KLF17: variants seen among roughly 807,000 people sequenced by gnomAD.
The protein encoded by KLF17 is KLF transcription factor 17.
A neutral mutation model predicts 34.2 loss-of-function variants in KLF17; 31 were observed. That is an observed-to-expected ratio of 0.91 (90% CI 0.68 to 1.22). The LOEUF (loss-of-function observed/expected upper bound fraction) is 1.22, where lower values mean the gene tolerates loss of function less well. Ranked by LOEUF, KLF17 falls within the 50% of genes most tolerant of loss-of-function variation. The probability of loss-of-function intolerance (pLI) is 0.00; values close to 1 mark genes in which losing one functional copy is unlikely to be tolerated. For missense variants in KLF17, 478 were observed against 505.2 expected, an observed-to-expected ratio of 0.95 and a Z score of 0.52; for synonymous variants, 179 against 186.7, an observed-to-expected ratio of 0.96 and a Z score of 0.34.
At chr1:44,113,377 C>T in the KLF17 span, among the ~76,000 whole-genome samples, 11 of 152,200 alleles carry the variant, frequency 7.2e-5, no homozygotes, top group African/African-American at 2.7e-4. Context: ...AAAGAAGATT[C>T]TTTTAAGCAA....
chr1:44,134,797 TGA>T lies in KLF17; in HGVS notation c.*1564_*1565del, dbSNP rs1490424764. The T allele has an allele frequency of 1.3e-5, 2 of 152,098 alleles. No individual in the cohort carries two copies. Among genetic ancestry groups the T allele is most frequent in the African/African-American group, 4.8e-5 (2 of 41,388 alleles). 9.4% of individuals were successfully genotyped at this position (152,098 alleles called of 1,614,324 possible). On this transcript the variant is annotated 3_prime_UTR_variant, in exon 4 of 4. Transcript: ENST00000372299. Reference sequence around the variant, plus strand: ...AGTCAAGGTGGCTTTGGCTAGGGTGTGAGAGTGGAGGTAGGGAGAAGTAGGAA... The same window carrying T: ...AGTCAAGGTGGCTTTGGCTAGGGTGTGAGTGGAGGTAGGGAGAAGTAGGAA...
chr1:44,066,340 T>TCCC, the KLF17 span, among the ~76,000 whole-genome samples: 1 of 127,422 alleles, frequency 7.8e-6, no homozygotes, highest in African/African-American at 2.9e-5. Context: ...ACAAAAACCC[T>TCCC]CCCCCCAAAA....
chr1:44,111,155 A>G, the KLF17 span, among the ~76,000 whole-genome samples: 1 of 151,034 alleles, frequency 6.6e-6, no homozygotes, highest in Admixed American at 6.6e-5. Flanking sequence ...CCAGCTATAT[A>G]TATATTCTTT....
the KLF17 span, among the ~76,000 whole-genome samples, chr1:44,087,607 C>G: frequency 2.0e-5 from 3 of 150,140 alleles, no homozygotes; most frequent in Non-Finnish European, 4.4e-5. Context: ...GATGGAGGTA[C>G]AAGCAGGGTA....
At chr1:44,100,742 G>A in the KLF17 span, among the ~76,000 whole-genome samples, 1 of 151,902 alleles carries the variant, frequency 6.6e-6, no homozygotes, top group African/African-American at 2.4e-5. Context: ...TGCAACCTCT[G>A]CCTCCTGGGT....
intron 1 of KLF17, among the ~76,000 whole-genome samples, chr1:44,128,249 TTTTG>T (rs1341914158): frequency 1.3e-5 from 2 of 152,072 alleles, no homozygotes; most frequent in African/African-American, 2.4e-5. Context: ...ACCTAGCTGA[TTTTG>T]TTTTTCTTTT....
the KLF17 span, among the ~76,000 whole-genome samples, chr1:44,097,100 T>C: frequency 4.6e-5 from 7 of 152,246 alleles, no homozygotes; most frequent in South Asian, 1.5e-3. Context: ...TTCCCCATTG[T>C]TTGTTTTTGT....
chr1:44,112,208 C>T, the KLF17 span, among the ~76,000 whole-genome samples: 1 of 152,134 alleles, frequency 6.6e-6, no homozygotes, highest in African/African-American at 2.4e-5. Context: ...ACTTGTACCT[C>T]TGTCCTTATC....
At chr1:44,090,029 C>T in the KLF17 span, among the ~76,000 whole-genome samples, 24 of 150,044 alleles carry the variant, frequency 1.6e-4, no homozygotes, top group Admixed American at 2.7e-4. Flanking sequence ...CGGGCGTACT[C>T]GGGGAGCTGA....
intron 1 of KLF17, among the ~76,000 whole-genome samples, chr1:44,121,964 C>T (rs1482277906): frequency 6.6e-6 from 1 of 152,208 alleles, no homozygotes; most frequent in Non-Finnish European, 1.5e-5. Context: ...GGTTTTAACA[C>T]CAAATTTAAA....
the KLF17 span, among the ~76,000 whole-genome samples, chr1:44,058,426 G>C: frequency 3.3e-5 from 5 of 152,090 alleles, no homozygotes; most frequent in African/African-American, 1.2e-4. Flanking sequence ...GAGTAGCTGG[G>C]ACTACAGGCA....
At chr1:44,088,107 T>TTTTTTTTTTTTATTTATTTA in the KLF17 span, 1 of 182,524 alleles carries the variant, frequency 5.5e-6, no homozygotes, top group African/African-American at 2.5e-5. Context: ...GCACTCTTAT[T>TTTTTTTTTTTTATTTATTTA]TTTATTTATT....
At chr1:44,104,568 C>G in the KLF17 span, 1 of 661,318 alleles carries the variant, frequency 1.5e-6, no homozygotes, top group African/African-American at 1.8e-5. Context: ...CTCTGGTTGA[C>G]TGTGACAGCA....
At chr1:44,048,002 A>ATG in the KLF17 span, 20,753 of 134,062 alleles carry the variant, frequency 0.15, 1,420 homozygotes, top group Middle Eastern at 0.19. Context: ...TTGTGTGTGT[A>ATG]TGTGTGTGTG....
chr1:44,076,947 G>C, the KLF17 span: 1 of 147,808 alleles, frequency 6.8e-6, no homozygotes, highest in African/African-American at 2.5e-5. Context: ...TGTTGCTCAG[G>C]CTGGTCTTGA....
chr1:44,064,850 T>C, the KLF17 span, among the ~76,000 whole-genome samples: 1 of 152,246 alleles, frequency 6.6e-6, no homozygotes, highest in Non-Finnish European at 1.5e-5. Flanking sequence ...TAATTAATGA[T>C]TATTTGAAAG....
At chr1:44,090,275 G>C in the KLF17 span, among the ~76,000 whole-genome samples, 1 of 110,668 alleles carries the variant, frequency 9.0e-6, no homozygotes, top group Middle Eastern at 9.6e-3. Flanking sequence ...TTCTAGACCA[G>C]CCTGGGCAAC....
the KLF17 span, among the ~76,000 whole-genome samples, chr1:44,064,230 T>C: frequency 6.6e-6 from 1 of 152,208 alleles, no homozygotes; most frequent in Non-Finnish European, 1.5e-5. Flanking sequence ...ATTATTGATA[T>C]TGTTACTGTG....
chr1:44,072,141 G>A, the KLF17 span, among the ~76,000 whole-genome samples: 5 of 151,702 alleles, frequency 3.3e-5, no homozygotes, highest in African/African-American at 1.2e-4. Context: ...TTGGGTGTGT[G>A]GGGAGAGAAA....
Sources: allele counts gnomAD v4.1 joint callset (sites outside exome capture counted in the v4.1 genomes callset), GRCh38; gene constraint gnomAD v4.1.1; transcripts MANE v1.5; gene names NCBI Gene and HGNC (gene_info 2026-07-23, HGNC 2026-07-21).